Variants in C16orf89 observed in about 807,000 individuals in gnomAD.
The protein encoded by C16orf89 is chromosome 16 open reading frame 89, also known as UPF0764 protein C16orf89.
A neutral mutation model predicts 41.5 loss-of-function variants in C16orf89; 57 were observed. The ratio of observed to expected loss-of-function variants is 1.38; its 90% confidence interval spans 1.11 to 1.71. C16orf89 has a LOEUF of 1.71. Ranked by LOEUF, C16orf89 falls within the 40% of genes most tolerant of loss-of-function variation. C16orf89 has a pLI of 0.00. For missense variants in C16orf89, 575 were observed against 445.9 expected (o/e 1.29, Z -2.61); for synonymous variants, 223 against 190.6 (o/e 1.17, Z -1.40).
rs140341190 is a variant in C16orf89 at position 5,061,201 on chromosome 16, G to C, written c.359-765C>G. Among the ~76,000 whole-genome samples, 840 of 143,306 alleles carry C rather than the reference G, an allele frequency of 5.9e-3. 8 individuals carry two copies. The highest frequency in any genetic ancestry group is 0.021 in the African/African-American group (807 of 38,592). 94.0% of individuals were successfully genotyped at this position (143,306 alleles called of 152,430 possible). A position where few individuals can be genotyped will look rare whatever the true frequency, so the allele number is the denominator to read the frequency against. On this transcript the variant is annotated intron_variant, in intron 2 of 7. Transcript: ENST00000472572. ...AGCATGAACCCGGGAGACAGAGCTTGCAGTGAGCCGAGATTGCACCACTGC... is the reference window on the plus strand; with the variant it reads ...AGCATGAACCCGGGAGACAGAGCTTCCAGTGAGCCGAGATTGCACCACTGC...
chr16:5,044,397 G>C lies in C16orf89; in HGVS notation c.1037C>G (p.Ala346Gly). The change falls in exon 8 of 8, where the codon GCA becomes GGA. Residue 346 changes from alanine (A) to glycine (G), a missense_variant. Physicochemically the swap from Ala to Gly is moderately conservative, Grantham distance 60 (BLOSUM62 0). Transcript: ENST00000472572. ...TGTGGATGGGTGTGGCTCTCTGTTT[G>C]CTGGGGGGTATTCTGCCAGGATGTA... is the stretch of plus-strand genomic sequence containing the variant. ...FLYILAEYPP[A>G]NREPHPSTPP... is the part of the protein sequence containing the mutation. 1 of 1,612,582 alleles carries C rather than the reference G, an allele frequency of 6.2e-7. No homozygotes were observed. The highest frequency in any genetic ancestry group is 8.5e-7 in the Non-Finnish European group (1 of 1,179,600).
chr16:5,050,075 C>G (rs1489584065), intron 6 of C16orf89, among the ~76,000 whole-genome samples: 2 of 151,936 alleles, frequency 1.3e-5, no homozygotes, highest in African/African-American at 2.4e-5. Context: ...ATTAGAAAAC[C>G]TAGTGGAGTG....
intron 3 of C16orf89, 24 bp downstream of exon 3, chr16:5,060,262 A>G (rs1382232175): frequency 6.3e-7 from 1 of 1,584,146 alleles, no homozygotes; most frequent in South Asian, 1.1e-5. Context: ...GGTTTCCAGC[A>G]AATAGGGCAA....
intron 4 of C16orf89, among the ~76,000 whole-genome samples, chr16:5,056,571 G>A (rs1199433516): frequency 6.6e-6 from 1 of 152,104 alleles, no homozygotes; most frequent in African/African-American, 2.4e-5. Flanking sequence ...GTGACCGATC[G>A]CGGGGGCAAT....
At chr16:5,060,486 G>A in intron 2 of C16orf89, 50 bp from the exon 3 acceptor site, 2 of 1,552,742 alleles carry the variant, frequency 1.3e-6, no homozygotes, top group Non-Finnish European at 1.8e-6. Flanking sequence ...TGACCCAGGA[G>A]CAGTGGGCCA....
At chr16:5,062,368 G>A (rs1956643389) in intron 2 of C16orf89, 57 bp downstream of exon 2, 2 of 1,526,562 alleles carry the variant, frequency 1.3e-6, no homozygotes, top group African/African-American at 1.4e-5. Flanking sequence ...GGTTATTTCA[G>A]TCAATATCCC....
chr16:5,060,333 G>C lies in C16orf89; in HGVS notation c.462C>G (p.Phe154Leu), dbSNP rs1956589951. Residue 154 changes from phenylalanine to leucine, a missense_variant, in exon 3 of 8, where the codon TTC becomes TTG. Transcript: ENST00000472572. ...VYPTFGPQDSFSEERSDVCLV... is the reference protein window; with the variant it reads ...VYPTFGPQDSLSEERSDVCLV... ...GGCACACGTCACTTCTCTCCTCTGA[G>C]AATGAGTCCTGGGGCCCGAACGTGG... 6.2e-7 allele frequency: 1 copy of C among 1,613,430 alleles called. No individual in the cohort carries two copies. The highest frequency in any genetic ancestry group is 2.2e-5 in the East Asian group (1 of 44,602).
chr16:5,044,405 G>GTATTC lies in C16orf89; in HGVS notation c.1024_1028dup (p.Tyr343Ter). ...GGTGTGGCTCTCTGTTTGCTGGGGG[G>GTATTC]TATTCTGCCAGGATGTATAGGAAGC... is the stretch of plus-strand genomic sequence containing the variant. On this transcript the variant is annotated stop_gained and frameshift_variant, in exon 8 of 8. Coordinates refer to ENST00000472572, the MANE Select transcript of C16orf89 (RefSeq NM_001098514.3). LOFTEE classifies it low-confidence loss of function (END_TRUNC). 6.2e-7 allele frequency: 1 copy of GTATTC among 1,612,760 alleles called. No homozygotes were observed. The highest frequency in any genetic ancestry group is 8.5e-7 in the Non-Finnish European group (1 of 1,179,634).
intron 6 of C16orf89, among the ~76,000 whole-genome samples, chr16:5,052,075 C>T (rs1256708294): frequency 1.5e-5 from 2 of 136,808 alleles, no homozygotes; most frequent in Admixed American, 1.6e-4. Flanking sequence ...GCACACCATC[C>T]TGGGTGACAG....
chr16:5,044,324 G>A lies in C16orf89; in HGVS notation c.*24C>T. ...CTAAAGGGGTCTGTTCCTCCTCCAG[G>A]CAGCTGGCATGGAACCGTCCGTCTC... On this transcript the variant is annotated 3_prime_UTR_variant, in exon 8 of 8. Coordinates refer to ENST00000472572, the MANE Select transcript of C16orf89 (RefSeq NM_001098514.3). 1.3e-6 allele frequency: 2 copies of A among 1,577,634 alleles called. No homozygotes were observed. Among genetic ancestry groups the A allele is most frequent in the Non-Finnish European group, 1.7e-6 (2 of 1,163,422 alleles).
Position 5,058,388 on chromosome 16 carries a change from C to T in C16orf89, c.627+105G>A, listed in dbSNP as rs905181122. On this transcript the variant is annotated intron_variant, in intron 4 of 7. Transcript: ENST00000472572. ...CCTCAAGTGATCTGCCTGCCTTGGC[C>T]TCCCAAAGTGCTTGGATTACAGGCA... is the stretch of plus-strand genomic sequence containing the variant. 1.7e-5 allele frequency: 17 copies of T among 1,009,444 alleles called. No individual in the cohort carries two copies. The African/African-American group carries it at 1.9e-4, about 11-fold the overall frequency. The allele number at this position is 1,009,444 out of a possible 1,614,324, so 62.5% of individuals were successfully genotyped here.
At chr16:5,051,147 C>T (rs1202607934) in intron 6 of C16orf89, among the ~76,000 whole-genome samples, 2 of 152,250 alleles carry the variant, frequency 1.3e-5, no homozygotes, top group East Asian at 3.9e-4. Flanking sequence ...TGGAACAACA[C>T]AAGAGTGCCT....
chr16:5,050,331 G>A (rs1242742541), intron 6 of C16orf89, among the ~76,000 whole-genome samples: 1 of 151,764 alleles, frequency 6.6e-6, no homozygotes, highest in Admixed American at 6.6e-5. Flanking sequence ...TTGCGCCACT[G>A]CACTCCAGCT....
intron 6 of C16orf89, among the ~76,000 whole-genome samples, chr16:5,053,734 A>G (rs1956439067): frequency 2.0e-5 from 3 of 152,074 alleles, no homozygotes; most frequent in East Asian, 3.9e-4. Flanking sequence ...TTTGGTATAG[A>G]TGGAGTTTTG....
chr16:5,062,078 A>G (rs1956638445), intron 2 of C16orf89, among the ~76,000 whole-genome samples: 1 of 152,232 alleles, frequency 6.6e-6, no homozygotes, highest in East Asian at 1.9e-4. Flanking sequence ...TTTGCTGTGC[A>G]AAGGGTTGAA....
In C16orf89 at chr16:5,044,222, G is replaced by A. The variant is rs1023061638; in HGVS notation, c.*126C>T. On this transcript the variant is annotated 3_prime_UTR_variant, in exon 8 of 8. Coordinates refer to ENST00000472572, the MANE Select transcript of C16orf89 (RefSeq NM_001098514.3). Reference sequence around the variant, plus strand: ...CTCAGGGCTTCCAAGATTGGGTGTCGGGGTGGCTTTGCTTATCCTCCAGAT... The same window carrying A: ...CTCAGGGCTTCCAAGATTGGGTGTCAGGGTGGCTTTGCTTATCCTCCAGAT... The A allele has an allele frequency of 2.3e-5, 33 of 1,426,228 alleles. No homozygotes were observed. The highest frequency in any genetic ancestry group is 2.7e-5 in the Non-Finnish European group (30 of 1,095,506). The allele number at this position is 1,426,228 out of a possible 1,614,324, so 88.3% of individuals were successfully genotyped here.
chr16:5,060,314 C>T lies in C16orf89; in HGVS notation c.481G>A (p.Val161Met), dbSNP rs770741029. The change falls in exon 3 of 8, where the codon GTG becomes ATG. Residue 161 changes from valine (V) to methionine (M), a missense_variant. By Grantham distance (21) the Val-to-Met change is conservative. Coordinates refer to ENST00000472572, the MANE Select transcript of C16orf89 (RefSeq NM_001098514.3). ...QDSFSEERSD[V>M]CLVQLLGTGT... ...GTTCCCAGCAGCTGCACCAGGCACA[C>T]GTCACTTCTCTCCTCTGAGAATGAG... is the stretch of plus-strand genomic sequence containing the variant. The T allele has an allele frequency of 2.2e-4, 359 of 1,611,914 alleles. No homozygotes were observed. The highest frequency in any genetic ancestry group is 2.9e-4 in the Non-Finnish European group (344 of 1,179,126).
chr16:5,056,985 A>G (rs1464735503), intron 4 of C16orf89, among the ~76,000 whole-genome samples: 2 of 151,978 alleles, frequency 1.3e-5, no homozygotes, highest in East Asian at 3.9e-4. Flanking sequence ...CATGCCTCTA[A>G]CCCCAGCACT....
chr16:5,065,008 C>T (rs570592705), intron 1 of C16orf89, among the ~76,000 whole-genome samples: 11 of 152,310 alleles, frequency 7.2e-5, no homozygotes, highest in East Asian at 3.9e-4. Flanking sequence ...CTATCACATG[C>T]GCCCCAGGAA....
Sources: allele counts gnomAD v4.1 joint callset (sites outside exome capture counted in the v4.1 genomes callset), GRCh38; gene constraint gnomAD v4.1.1; transcripts MANE v1.5; gene names NCBI Gene and HGNC (gene_info 2026-07-23, HGNC 2026-07-21).